NCK2: variants seen among roughly 807,000 people sequenced by gnomAD.
NCK2 encodes the protein cytoplasmic protein NCK2.
NCK2 carries 16 observed loss-of-function variants against 33.9 expected under a neutral mutation model. The ratio of observed to expected loss-of-function variants is 0.47; its 90% CI spans 0.32 to 0.72. The LOEUF is 0.72. Among genes scored for constraint, NCK2 ranks in the 30% least tolerant of loss-of-function variants. The pLI, the probability that NCK2 is intolerant of heterozygous loss-of-function variation, is 0.03. For missense variants in NCK2, 418 were observed against 537.3 expected (o/e 0.78, Z 2.19); for synonymous variants, 273 against 239.9 (o/e 1.14, Z -1.27).
chr2:105,779,786 C>G (rs545833145), intron 1 of NCK2, among the ~76,000 whole-genome samples: 1 of 152,102 alleles, frequency 6.6e-6, no homozygotes. Context: ...ATAGTAATTC[C>G]CTAGCAGAAA....
At chr2:105,850,135 A>G (rs1458600786) in intron 2 of NCK2, among the ~76,000 whole-genome samples, 2 of 152,184 alleles carry the variant, frequency 1.3e-5, no homozygotes, top group Non-Finnish European at 2.9e-5. Context: ...GAACATACAA[A>G]TGGTTCAGCT....
At chr2:105,865,357 A>G (rs2104613554) in intron 3 of NCK2, among the ~76,000 whole-genome samples, 1 of 152,330 alleles carries the variant, frequency 6.6e-6, no homozygotes, top group African/African-American at 2.4e-5. Context: ...GAGGTGCCCA[A>G]GAACACACAG....
intron 1 of NCK2, among the ~76,000 whole-genome samples, chr2:105,766,602 C>T: frequency 6.6e-6 from 1 of 152,212 alleles, no homozygotes; most frequent in East Asian, 1.9e-4. Flanking sequence ...GGATTACAGA[C>T]TTGAGCCACT....
At chr2:105,780,609 CT>C (rs1214310984) in intron 1 of NCK2, among the ~76,000 whole-genome samples, 1 of 152,188 alleles carries the variant, frequency 6.6e-6, no homozygotes, top group Non-Finnish European at 1.5e-5. Context: ...GTCAGAGCCC[CT>C]GGTCACTGAT....
rs74321962 is a variant in NCK2 at position 105,888,661 on chromosome 2, C to A, written c.949-4321C>A. 6.8e-3 allele frequency among the ~76,000 whole-genome samples: 1,036 copies of A among 152,300 alleles called. 53 individuals carry two copies. In the East Asian group the frequency reaches 0.13, roughly 19 times the overall value. ...TCAGCATGGGCTGCACTGAGCAACT[C>A]ACTTCTAATGACCAAGATGTGGCAG... On this transcript the variant is annotated intron_variant, in intron 4 of 4. Transcript: ENST00000233154.
chr2:105,855,879 G>A (rs1677246784), intron 3 of NCK2: 1 of 137,858 alleles, frequency 7.3e-6, no homozygotes, highest in African/African-American at 2.8e-5. Flanking sequence ...CTCTTGCCCA[G>A]GCTGGAGTGC....
chr2:105,809,249 C>T (rs1212123368), intron 1 of NCK2, among the ~76,000 whole-genome samples: 1 of 152,224 alleles, frequency 6.6e-6, no homozygotes, highest in African/African-American at 2.4e-5. Flanking sequence ...TTTTCAAGTT[C>T]CTGTTGCGTG....
Position 105,781,235 on chromosome 2 carries a change from C to T in NCK2, c.-200-35195C>T, listed in dbSNP as rs118042316. ...TTGCTCCACCTTCTACCATTCAGCCCTTGTGAATTTTATGAACATGATTAC... is the reference window on the plus strand; with the variant it reads ...TTGCTCCACCTTCTACCATTCAGCCTTTGTGAATTTTATGAACATGATTAC... On this transcript the variant is annotated intron_variant, in intron 1 of 4. Coordinates refer to ENST00000233154, the MANE Select transcript of NCK2 (RefSeq NM_003581.5). Among the ~76,000 whole-genome samples the T allele has an allele frequency of 3.0e-3, 454 of 152,330 alleles. 10 individuals are homozygous for T. The East Asian group carries it at 0.049, about 17-fold the overall frequency.
intron 1 of NCK2, among the ~76,000 whole-genome samples, chr2:105,769,222 A>C (rs748247708): frequency 9.9e-5 from 15 of 151,828 alleles, no homozygotes; most frequent in Non-Finnish European, 1.6e-4. Context: ...CCAAGACCAG[A>C]GATCTTTTTT....
chr2:105,762,735 C>G (rs768970381), intron 1 of NCK2, among the ~76,000 whole-genome samples: 4 of 152,192 alleles, frequency 2.6e-5, no homozygotes, highest in Non-Finnish European at 5.9e-5. Context: ...GAAAGAGTGA[C>G]TGCTTTTATC....
chr2:105,831,141 A>T (rs1424137084), intron 2 of NCK2, among the ~76,000 whole-genome samples: 1 of 152,194 alleles, frequency 6.6e-6, no homozygotes, highest in East Asian at 1.9e-4. Context: ...TAACTATAAA[A>T]TGAAAAGATA....
Position 105,835,388 on chromosome 2 carries a change from CAT to C in NCK2, c.-17+18791_-17+18792del, listed in dbSNP as rs1553458574. On this transcript the variant is annotated intron_variant, in intron 2 of 4. Coordinates refer to ENST00000233154, the MANE Select transcript of NCK2 (RefSeq NM_003581.5). ...TTATATATATATACATATATATACA[CAT>C]ATATATATATATATACGTGTATATA... 4.2e-4 allele frequency among the ~76,000 whole-genome samples: 22 copies of C among 52,106 alleles called. 4 individuals carry two copies. In the East Asian group the frequency reaches 0.011, roughly 26 times the overall value. The allele number at this position is 52,106 out of a possible 152,430, so 34.2% of individuals were successfully genotyped here. A position where few individuals can be genotyped will look rare whatever the true frequency, so the allele number is the denominator to read the frequency against.
chr2:105,867,752 T>G (rs1677819085), intron 3 of NCK2, among the ~76,000 whole-genome samples: 1 of 152,218 alleles, frequency 6.6e-6, no homozygotes, highest in Admixed American at 6.5e-5. Flanking sequence ...TCCCAGGAAC[T>G]GGCATCTTGG....
At chr2:105,801,732 G>A (rs1251358034) in intron 1 of NCK2, among the ~76,000 whole-genome samples, 2 of 152,120 alleles carry the variant, frequency 1.3e-5, no homozygotes, top group East Asian at 3.9e-4. Flanking sequence ...CCTCGGCTCA[G>A]TCCCTTTAAT....
intron 1 of NCK2, among the ~76,000 whole-genome samples, chr2:105,774,803 G>GT (rs752344128): frequency 5.9e-5 from 9 of 152,044 alleles, no homozygotes; most frequent in Non-Finnish European, 1.3e-4. Flanking sequence ...TGAGTACTGG[G>GT]TATCATCTAT....
chr2:105,830,670 G>GGGGTGTGT (rs377563718), intron 2 of NCK2, among the ~76,000 whole-genome samples: 3 of 98,984 alleles, frequency 3.0e-5, no homozygotes, highest in Non-Finnish European at 6.4e-5. Context: ...CCAGGAATTT[G>GGGGTGTGT]GTGTGTGTGT....
intron 3 of NCK2, 65 bp downstream of exon 3, chr2:105,855,354 G>A (rs1041669567): frequency 1.5e-5 from 17 of 1,168,856 alleles, no homozygotes; most frequent in Non-Finnish European, 2.0e-5. Context: ...CGTCTTTCTA[G>A]TTAGTTTGCT....
intron 1 of NCK2, among the ~76,000 whole-genome samples, chr2:105,777,540 A>C (rs145955210): frequency 6.6e-6 from 1 of 152,306 alleles, no homozygotes; most frequent in African/African-American, 2.4e-5. Context: ...CATGCGGATT[A>C]TACCCACACA....
intron 1 of NCK2, among the ~76,000 whole-genome samples, chr2:105,752,068 A>G (rs1019054047): frequency 6.6e-6 from 1 of 152,208 alleles, no homozygotes; most frequent in African/African-American, 2.4e-5. Context: ...TTTGAAATTC[A>G]GCATATAGTA....
Sources: allele counts gnomAD v4.1 joint callset (sites outside exome capture counted in the v4.1 genomes callset), GRCh38; gene constraint gnomAD v4.1.1; transcripts MANE v1.5; gene names NCBI Gene and HGNC (gene_info 2026-07-23, HGNC 2026-07-21).